The following DPH7 variants were observed in gnomAD, a reference collection of about 807,000 sequenced individuals.
The protein encoded by DPH7 is diphthamide biosynthesis 7.
A neutral mutation model predicts 41.7 loss-of-function variants in DPH7; 44 were observed. That is an observed-to-expected ratio of 1.05 (90% confidence interval 0.83 to 1.36). The LOEUF (loss-of-function observed/expected upper bound fraction) is 1.36. Ranked by LOEUF, DPH7 falls within the 40% of genes most tolerant of loss-of-function variation. The pLI is 0.00. For synonymous variants in DPH7, 275 were observed against 238.0 expected, an observed-to-expected ratio of 1.16 and a Z score of -1.43; for missense variants, 629 against 577.5, an observed-to-expected ratio of 1.09 and a Z score of -0.91.
At chr9:137,562,929 T>C (rs969567607) in intron 8 of DPH7, among the ~76,000 whole-genome samples, 2 of 151,814 alleles carry the variant, frequency 1.3e-5, no homozygotes, top group East Asian at 1.9e-4. Context: ...ATCACACCAC[T>C]GTACACCATT....
Position 137,555,469 on chromosome 9 carries a change from A to C in DPH7, c.1129T>G (p.Cys377Gly). The change falls in exon 9 of 9, where the codon TGT (cysteine) becomes GGT (glycine). Residue 377 changes from cysteine (C) to glycine (G), a missense_variant. Cys to Gly is a radical substitution (Grantham distance 159, BLOSUM62 -3). Transcript: ENST00000277540. ...LKGASELPTP[C>G]HECREDNDGE... ...TCGTTATCCTCTCTGCATTCATGAC[A>C]GGGTGTTGGCAACTCGCTTGCACCC... The C allele has an allele frequency of 6.2e-7, 1 of 1,614,064 alleles. No homozygotes were observed. The highest frequency in any genetic ancestry group is 8.5e-7 in the Non-Finnish European group (1 of 1,179,994).
rs756914414 is a variant in DPH7, at chr9:137,565,151, C to T, written c.644G>A (p.Gly215Asp). 2.5e-6 allele frequency: 4 copies of T among 1,613,758 alleles called. No homozygotes were observed. Among genetic ancestry groups the T allele is most frequent in the African/African-American group, 1.3e-5 (1 of 74,936 alleles). The change falls in exon 6 of 9, where the codon GGC becomes GAC. Residue 215 changes from glycine (G) to aspartate (D), a missense_variant. Coordinates refer to ENST00000277540, the MANE Select transcript of DPH7 (RefSeq NM_138778.5). ...CCAGCCCCTCAGAAGGCCATCGTCG[C>T]CCCCTGTGTGGAGAAAGAGAAGCAT... is the stretch of plus-strand genomic sequence containing the variant. ...YWHPEIVYSG[G>D]DDGLLRGWDT...
chr9:137,568,536 G>T (rs1301245858), intron 5 of DPH7, among the ~76,000 whole-genome samples: 2 of 146,152 alleles, frequency 1.4e-5, no homozygotes, highest in African/African-American at 5.2e-5. Context: ...TGTCTGTGAG[G>T]AAGCTCCCCT....
At position 137,575,671 on chromosome 9, in the gene DPH7, C is replaced by A. The variant is rs928787512; in HGVS notation, c.375+409G>T. The A allele has an allele frequency of 5.8e-6, 6 of 1,035,294 alleles. No individual in the cohort carries two copies. The African/African-American group carries it at 1.0e-4, about 17-fold the overall frequency. 64.1% of individuals were successfully genotyped at this position (1,035,294 alleles called of 1,614,324 possible). Reference sequence around the variant, plus strand: ...ACTTTGTTAATGCATGGCTCCAGAGCACTGTGAGAAACTCGGAAAAATTCA... The same window carrying A: ...ACTTTGTTAATGCATGGCTCCAGAGAACTGTGAGAAACTCGGAAAAATTCA... On this transcript the variant is annotated intron_variant, in intron 3 of 8. Transcript: ENST00000277540.
intron 8 of DPH7, among the ~76,000 whole-genome samples, chr9:137,558,608 T>C (rs1588791414): frequency 6.6e-6 from 1 of 152,188 alleles, no homozygotes; most frequent in African/African-American, 2.4e-5. Flanking sequence ...ATGAAATATC[T>C]AGAAAAGGCA....
chr9:137,577,602 C>A lies in DPH7; in HGVS notation c.155G>T (p.Gly52Val). The A allele has an allele frequency of 1.2e-6, 2 of 1,612,284 alleles. No homozygotes were observed. Among genetic ancestry groups the A allele is most frequent in the Non-Finnish European group, 1.7e-6 (2 of 1,179,362 alleles). ...EDRPAGPQNK[G>V]GMEVKEPQVR... ...CTGAGGCTCCTTAACTTCCATTCCA[C>A]CCTACAAAAAATGCAGAGGTAGTCT... Residue 52 changes from glycine (G) to valine (V), a missense_variant and splice_region_variant, in exon 2 of 9, where the codon GGT becomes GTT. Physicochemically the swap from Gly to Val is moderately radical, Grantham distance 109. Transcript: ENST00000277540.
At chr9:137,578,090 G>A in intron 1 of DPH7, 1 of 650,698 alleles carries the variant, frequency 1.5e-6, no homozygotes, top group Non-Finnish European at 1.9e-6. Context: ...GGTTGAGGCG[G>A]GAGGATGCCC....
intron 6 of DPH7, 43 bp downstream of exon 6, chr9:137,565,042 G>A (rs762780940): frequency 1.6e-5 from 25 of 1,612,752 alleles, no homozygotes; most frequent in Admixed American, 1.2e-4. Flanking sequence ...CAGGGAACGC[G>A]GGGGCTGGTG....
At chr9:137,575,492 T>C (rs1841221488) in intron 3 of DPH7, 1 of 990,662 alleles carries the variant, frequency 1.0e-6, no homozygotes, top group African/African-American at 1.7e-5. Context: ...TGCTCTAAGC[T>C]GCCTTAAGCA....
intron 8 of DPH7, among the ~76,000 whole-genome samples, chr9:137,560,971 G>A (rs1285685141): frequency 7.8e-5 from 11 of 141,066 alleles, no homozygotes; most frequent in African/African-American, 2.4e-4. Context: ...GCAGTGGGCC[G>A]AGATCGTGCC....
intron 8 of DPH7, among the ~76,000 whole-genome samples, chr9:137,558,479 T>C (rs1326260118): frequency 2.0e-5 from 3 of 152,210 alleles, no homozygotes; most frequent in Non-Finnish European, 2.9e-5. Flanking sequence ...AGACAGAATG[T>C]GGTCCATCAT....
chr9:137,570,962 C>G, intron 5 of DPH7, among the ~76,000 whole-genome samples: 1 of 152,270 alleles, frequency 6.6e-6, no homozygotes. Context: ...TCTGTCTCCC[C>G]GCCACAGAAT....
At position 137,564,926 on chromosome 9, in the gene DPH7, C is replaced by G; in HGVS notation, c.743G>C (p.Ser248Thr). 6.3e-7 allele frequency: 1 copy of G among 1,597,122 alleles called. No individual in the cohort carries two copies. The highest frequency in any genetic ancestry group is 8.5e-7 in the Non-Finnish European group (1 of 1,171,756). ...HTMGVCSIQS[S>T]PHREHILATG... ...GGCCAGGATGTGCTCCCGATGAGGG[C>G]TGCTCTGGATGCTGCACACACCCAT... The change falls in exon 7 of 9, where the codon AGC becomes ACC. Residue 248 changes from serine to threonine, a missense_variant. Coordinates refer to ENST00000277540, the MANE Select transcript of DPH7 (RefSeq NM_138778.5).
At chr9:137,576,815 A>AGGGAGGAACTCAGGGAGCTCCG (rs1424420381) in intron 2 of DPH7, among the ~76,000 whole-genome samples, 3 of 151,886 alleles carry the variant, frequency 2.0e-5, no homozygotes, top group Non-Finnish European at 4.4e-5. Flanking sequence ...GCGTGAACTC[A>AGGGAGGAACTCAGGGAGCTCCG]GGAGGCGGAG....
chr9:137,576,763 G>A lies in DPH7; in HGVS notation c.288-596C>T, dbSNP rs577247987. On this transcript the variant is annotated intron_variant, in intron 2 of 8. Transcript: ENST00000277540. Reference sequence around the variant, plus strand: ...AAATAAGCCGGGTGTGGTGGCGGGCGCCTGTAGACCGAGCTCTTAGGGAGG... The same window carrying A: ...AAATAAGCCGGGTGTGGTGGCGGGCACCTGTAGACCGAGCTCTTAGGGAGG... Among the ~76,000 whole-genome samples, 3 of 152,250 alleles carry A rather than the reference G, an allele frequency of 2.0e-5. No homozygotes were observed. In the East Asian group the frequency reaches 5.8e-4, roughly 29 times the overall value.
At chr9:137,575,223 A>C in intron 3 of DPH7, 1 of 1,004,036 alleles carries the variant, frequency 1.0e-6, no homozygotes, top group Non-Finnish European at 1.2e-6. Flanking sequence ...CCACTGGAAC[A>C]CTCGCCTCCC....
rs1837164488 is a variant in DPH7 at position 137,554,646 on chromosome 9, C to T, written c.*593G>A. On this transcript the variant is annotated 3_prime_UTR_variant, in exon 9 of 9. Coordinates refer to ENST00000277540, the MANE Select transcript of DPH7 (RefSeq NM_138778.5). Reference sequence around the variant, plus strand: ...ATAGAGACTGGGTTTTGCTATGTTGCCCAGGCTGGTCTTGAACTCCAGGCC... The same window carrying T: ...ATAGAGACTGGGTTTTGCTATGTTGTCCAGGCTGGTCTTGAACTCCAGGCC... Among the ~76,000 whole-genome samples the T allele has an allele frequency of 6.6e-6, 1 of 151,922 alleles. No individual in the cohort carries two copies. The highest frequency in any genetic ancestry group is 1.5e-5 in the Non-Finnish European group (1 of 67,996).
chr9:137,557,179 C>G (rs573632627), intron 8 of DPH7, among the ~76,000 whole-genome samples: 1 of 152,188 alleles, frequency 6.6e-6, no homozygotes, highest in African/African-American at 2.4e-5. Flanking sequence ...GCTGTGACTG[C>G]GAGTGTCAGC....
intron 3 of DPH7, chr9:137,575,613 C>T (rs770378315): frequency 6.9e-6 from 7 of 1,012,292 alleles, no homozygotes; most frequent in African/African-American, 5.1e-5. Context: ...GGGACATCCC[C>T]GTTCTCCTCC....
Sources: gnomAD v4.1 joint callset for allele counts (sites outside exome capture counted in the v4.1 genomes callset) on GRCh38, gnomAD v4.1.1 for gene constraint, MANE v1.5 for transcripts, NCBI Gene and HGNC (gene_info 2026-07-23, HGNC 2026-07-21) for gene names.